The following TPO variants were observed in gnomAD, a reference collection of about 807,000 sequenced individuals.
TPO encodes the protein thyroid microsomal antigen.
Under a neutral mutation model 96.9 loss-of-function variants are expected in TPO, and 78 were observed. The ratio of observed to expected loss-of-function variants is 0.81; its 90% CI spans 0.67 to 0.97. The LOEUF (loss-of-function observed/expected upper bound fraction) is 0.97, where lower values mean the gene tolerates loss of function less well. Among genes scored for constraint, TPO ranks in the 50% least tolerant of loss-of-function variants. TPO has a pLI of 0.00. For missense variants in TPO, 1,252 were observed against 1,274.8 expected, an observed-to-expected ratio of 0.98 and a Z score of 0.27; for synonymous variants, 547 against 538.0, an observed-to-expected ratio of 1.02 and a Z score of -0.23.
chr2:1,408,563 G>T (rs116144451), upstream of TPO, among the ~76,000 whole-genome samples: 5 of 152,096 alleles, frequency 3.3e-5, no homozygotes, highest in Admixed American at 2.6e-4. Flanking sequence ...AAACTGAAAC[G>T]CAAAAAAGAT....
intron 13 of TPO, among the ~76,000 whole-genome samples, chr2:1,498,515 C>T (rs186234346): frequency 5.9e-5 from 9 of 152,352 alleles, no homozygotes. Flanking sequence ...TGGAAACCAG[C>T]AGCCTGGGCT....
chr2:1,505,571 A>G lies in TPO; in HGVS notation c.2518+1492A>G, dbSNP rs916784366. 1.3e-4 allele frequency among the ~76,000 whole-genome samples: 18 copies of G among 134,740 alleles called. No homozygotes were observed. In the South Asian group the frequency reaches 3.4e-3, roughly 25 times the overall value. 88.4% of individuals were successfully genotyped at this position (134,740 alleles called of 152,430 possible). On this transcript the variant is annotated intron_variant, in intron 14 of 16. Transcript: ENST00000329066. ...AGGTACAGCCCCCAACCCCCATGTC[A>G]GGCACACCCCCACTCCTTTTGTTGT... is the stretch of plus-strand genomic sequence containing the variant.
intron 9 of TPO, among the ~76,000 whole-genome samples, chr2:1,486,309 G>C (rs1301592190): frequency 6.6e-6 from 1 of 152,096 alleles, no homozygotes; most frequent in Non-Finnish European, 1.5e-5. Context: ...ATCACTTGAG[G>C]TCGGGAGTTT....
intron 9 of TPO, among the ~76,000 whole-genome samples, chr2:1,485,311 G>A (rs896641241): frequency 1.2e-4 from 19 of 152,154 alleles, no homozygotes; most frequent in Non-Finnish European, 1.5e-5. Flanking sequence ...AGCACTGATG[G>A]ACATTTGGGT....
chr2:1,385,362 T>C (rs1270124278), intron 1 of TPO, among the ~76,000 whole-genome samples: 1 of 152,232 alleles, frequency 6.6e-6, no homozygotes, highest in Non-Finnish European at 1.5e-5. Context: ...GTTGGTAAGC[T>C]ATTAATTATT....
intron 7 of TPO, among the ~76,000 whole-genome samples, chr2:1,471,282 C>G (rs780395652): frequency 6.6e-6 from 1 of 152,160 alleles, no homozygotes; most frequent in Non-Finnish European, 1.5e-5. Context: ...TCTATTCGAG[C>G]CCATAAGTCT....
chr2:1,396,043 T>C (rs1010539129), intron 1 of TPO, among the ~76,000 whole-genome samples: 3 of 152,196 alleles, frequency 2.0e-5, no homozygotes, highest in Admixed American at 6.5e-5. Flanking sequence ...AATTCCTACA[T>C]AATCCAGATG....
At chr2:1,388,797 G>A (rs1049430128) in intron 1 of TPO, among the ~76,000 whole-genome samples, 8 of 152,098 alleles carry the variant, frequency 5.3e-5, no homozygotes, top group East Asian at 3.9e-4. Context: ...CATCTTCTGC[G>A]TCGCTCACAC....
chr2:1,416,726 G>C (rs1663001679), intron 2 of TPO, among the ~76,000 whole-genome samples: 1 of 152,234 alleles, frequency 6.6e-6, no homozygotes, highest in African/African-American at 2.4e-5. Flanking sequence ...GTGTCTCACA[G>C]TATTTCTATT....
chr2:1,427,202 G>C (rs1056085412), intron 3 of TPO, among the ~76,000 whole-genome samples: 23 of 152,346 alleles, frequency 1.5e-4, no homozygotes, highest in African/African-American at 2.2e-4. Context: ...TCTGGGGAGG[G>C]GGGCCCTGTG....
intron 5 of TPO, among the ~76,000 whole-genome samples, chr2:1,446,943 CA>C (rs1395739803): frequency 2.1e-4 from 32 of 152,256 alleles, no homozygotes; most frequent in African/African-American, 7.0e-4. Context: ...TGACCCATCT[CA>C]TTTTATGTTT....
chr2:1,513,291 G>A (rs952334075), intron 14 of TPO: 4 of 152,322 alleles, frequency 2.6e-5, no homozygotes, highest in African/African-American at 9.6e-5. Context: ...GGTGCTGAGG[G>A]CTGAGAGTGA....
chr2:1,530,093 C>CA (rs1677729053), intron 15 of TPO, among the ~76,000 whole-genome samples: 2 of 140,314 alleles, frequency 1.4e-5, no homozygotes, highest in African/African-American at 2.8e-5. Context: ...TCAAATCCCC[C>CA]CACTGTTTGC....
chr2:1,446,073 G>A (rs950321816), intron 5 of TPO, among the ~76,000 whole-genome samples: 6 of 152,254 alleles, frequency 3.9e-5, no homozygotes, highest in South Asian at 2.1e-4. Flanking sequence ...GGTGAATCTG[G>A]AGGGACAGGT....
chr2:1,475,424 TTC>T (rs1187785873), intron 7 of TPO, among the ~76,000 whole-genome samples: 2 of 151,760 alleles, frequency 1.3e-5, no homozygotes, highest in Admixed American at 1.3e-4. Context: ...CTTTTTTTTT[TTC>T]TTTTTTCTTT....
At chr2:1,448,284 CGCAGCTCCTGCAT>C (rs935628891) in intron 5 of TPO, among the ~76,000 whole-genome samples, 3 of 152,224 alleles carry the variant, frequency 2.0e-5, no homozygotes, top group Non-Finnish European at 4.4e-5. Flanking sequence ...CTGTGCTCCA[CGCAGCTCCTGCAT>C]GCAGCTCCTG....
intron 2 of TPO, among the ~76,000 whole-genome samples, chr2:1,419,004 T>C (rs1663234336): frequency 6.6e-6 from 1 of 152,242 alleles, no homozygotes; most frequent in African/African-American, 2.4e-5. Context: ...TTCATATATA[T>C]ATTTAACATA....
At chr2:1,480,540 T>TATCA (rs1196568882) in intron 8 of TPO, among the ~76,000 whole-genome samples, 1 of 88,482 alleles carries the variant, frequency 1.1e-5, no homozygotes, top group East Asian at 3.2e-4. Context: ...TCCCCCCCTC[T>TATCA]ATCACCCCTC....
chr2:1,530,973 A>G (rs528670604), intron 15 of TPO, among the ~76,000 whole-genome samples: 985 of 73,734 alleles, frequency 0.013, 10 homozygotes, highest in Middle Eastern at 0.039. Context: ...AAATCCCCCC[A>G]GTATGTGCAA....
Sources: allele counts gnomAD v4.1 joint callset (sites outside exome capture counted in the v4.1 genomes callset), GRCh38; gene constraint gnomAD v4.1.1; transcripts MANE v1.5; gene names NCBI Gene and HGNC (gene_info 2026-07-23, HGNC 2026-07-21).